HTR7: variants seen among roughly 807,000 people sequenced by gnomAD.
The protein encoded by HTR7 is 5-hydroxytryptamine receptor 7, also known as 5-HT-7.
In HTR7, 16 loss-of-function variants were observed where a neutral mutation model predicts 34.0. The ratio of observed to expected loss-of-function variants is 0.47; its 90% CI spans 0.32 to 0.71. HTR7 has a LOEUF of 0.71. Among genes scored for constraint, HTR7 ranks in the 30% least tolerant of loss-of-function variants. The probability of loss-of-function intolerance (pLI) is 0.04; values close to 1 mark genes in which losing one functional copy is unlikely to be tolerated. For missense variants in HTR7, 504 were observed against 625.5 expected (o/e 0.81, Z 2.07); for synonymous variants, 265 against 260.2 (o/e 1.02, Z -0.18).
At chr10:90,787,507 A>T (rs1845398617) in intron 1 of HTR7, among the ~76,000 whole-genome samples, 1 of 151,874 alleles carries the variant, frequency 6.6e-6, no homozygotes, top group African/African-American at 2.4e-5. Context: ...AAATAAAAAT[A>T]AAAAAAATAA....
chr10:90,755,906 T>C (rs1844827345), intron 1 of HTR7, among the ~76,000 whole-genome samples: 1 of 152,238 alleles, frequency 6.6e-6, no homozygotes, highest in Non-Finnish European at 1.5e-5. Flanking sequence ...TACAAAAGTT[T>C]ATAGCAGCAC....
At chr10:90,755,619 T>G (rs1844823701) in intron 1 of HTR7, among the ~76,000 whole-genome samples, 1 of 152,196 alleles carries the variant, frequency 6.6e-6, no homozygotes, top group African/African-American at 2.4e-5. Flanking sequence ...AAAAGGTGTT[T>G]AACATCACGA....
rs111285876 is a variant in HTR7, at chr10:90,813,463, A to G, written c.539+43670T>C. Among the ~76,000 whole-genome samples, 569 of 151,976 alleles carry G rather than the reference A, an allele frequency of 3.7e-3. 2 individuals are homozygous for G. Among genetic ancestry groups the G allele is most frequent in the Middle Eastern group, 0.01 (3 of 294 alleles). On this transcript the variant is annotated intron_variant, in intron 1 of 3. Transcript: ENST00000336152. ...CTTGAACGCGGGTGGCAGAGGTTGC[A>G]GTGAGCAAAGATCATGCCACTGCAC... is the stretch of plus-strand genomic sequence containing the variant.
intron 1 of HTR7, among the ~76,000 whole-genome samples, chr10:90,794,609 T>A (rs1305185910): frequency 1.3e-5 from 2 of 152,140 alleles, no homozygotes; most frequent in Admixed American, 6.5e-5. Flanking sequence ...CAAGCAAGTC[T>A]CTCACCTCAG....
chr10:90,801,220 AG>A (rs1448595893), intron 1 of HTR7, among the ~76,000 whole-genome samples: 1 of 152,208 alleles, frequency 6.6e-6, no homozygotes, highest in Non-Finnish European at 1.5e-5. Flanking sequence ...CTGAAGGTCA[AG>A]GTTTATTGCC....
chr10:90,800,509 G>A (rs1845609220), intron 1 of HTR7, among the ~76,000 whole-genome samples: 2 of 117,278 alleles, frequency 1.7e-5, no homozygotes, highest in Middle Eastern at 6.8e-3. Flanking sequence ...ATAGAAACTA[G>A]TCCTTTCAAA....
At chr10:90,797,715 GAAATGA>G (rs1279119947) in intron 1 of HTR7, among the ~76,000 whole-genome samples, 1 of 152,196 alleles carries the variant, frequency 6.6e-6, no homozygotes, top group Non-Finnish European at 1.5e-5. Context: ...ATGTAAAAAA[GAAATGA>G]ATTATCAGGG....
chr10:90,852,249 C>T (rs1846513258), intron 1 of HTR7, among the ~76,000 whole-genome samples: 1 of 149,482 alleles, frequency 6.7e-6, no homozygotes, highest in Non-Finnish European at 1.5e-5. Flanking sequence ...TGCTAATAGG[C>T]ATCTAACTGG....
chr10:90,851,493 T>C (rs1420128828), intron 1 of HTR7, among the ~76,000 whole-genome samples: 1 of 150,244 alleles, frequency 6.7e-6, no homozygotes, highest in Non-Finnish European at 1.5e-5. Flanking sequence ...TACTCCCAGC[T>C]ACTCTGGAGG....
At chr10:90,769,497 T>A (rs1845074179) in intron 1 of HTR7, among the ~76,000 whole-genome samples, 2 of 152,252 alleles carry the variant, frequency 1.3e-5, no homozygotes, top group Admixed American at 1.3e-4. Context: ...GTTTTCTTTC[T>A]GAATTAAATT....
intron 1 of HTR7, among the ~76,000 whole-genome samples, chr10:90,753,765 T>G (rs1235208265): frequency 1.3e-5 from 2 of 152,004 alleles, no homozygotes; most frequent in African/African-American, 4.8e-5. Flanking sequence ...ATATGTATAA[T>G]GCAGCCATTA....
At chr10:90,785,754 C>T (rs112731587) in intron 1 of HTR7, among the ~76,000 whole-genome samples, 221 of 152,312 alleles carry the variant, frequency 1.5e-3, no homozygotes, top group African/African-American at 5.0e-3. Context: ...CTTTAGTCCT[C>T]AAAACTATGC....
chr10:90,788,722 A>G (rs1845419089), intron 1 of HTR7, among the ~76,000 whole-genome samples: 1 of 152,250 alleles, frequency 6.6e-6, no homozygotes, highest in African/African-American at 2.4e-5. Flanking sequence ...GACCTCTTAG[A>G]AAAACAAGAA....
intron 1 of HTR7, among the ~76,000 whole-genome samples, chr10:90,808,589 C>T (rs1845743489): frequency 6.6e-6 from 1 of 152,054 alleles, no homozygotes; most frequent in Non-Finnish European, 1.5e-5. Flanking sequence ...CATGCCCCGA[C>T]CTTGTATCTC....
At chr10:90,799,805 C>T (rs1189688203) in intron 1 of HTR7, among the ~76,000 whole-genome samples, 1 of 152,124 alleles carries the variant, frequency 6.6e-6, no homozygotes, top group Non-Finnish European at 1.5e-5. Flanking sequence ...TGTATTATCC[C>T]TAGCTTTGAT....
intron 1 of HTR7, among the ~76,000 whole-genome samples, chr10:90,843,416 T>C (rs1846360306): frequency 6.6e-6 from 1 of 152,234 alleles, no homozygotes. Context: ...GTGCAAGGTG[T>C]TAAAAGACTG....
At chr10:90,760,293 T>C (rs548352198) in intron 1 of HTR7, among the ~76,000 whole-genome samples, 30 of 152,182 alleles carry the variant, frequency 2.0e-4, no homozygotes, top group Admixed American at 3.3e-4. Context: ...CTAAAATTAG[T>C]TGATCTCATA....
chr10:90,796,928 C>T (rs1354899744), intron 1 of HTR7, among the ~76,000 whole-genome samples: 2 of 151,480 alleles, frequency 1.3e-5, no homozygotes, highest in Admixed American at 6.6e-5. Flanking sequence ...AGGAGAATGG[C>T]GTAAACCTGC....
rs529537976 is a variant in HTR7 at position 90,743,341 on chromosome 10, C to T, written c.1393+252G>A. ...TTTCTAGCTTTTCCCCTCAGCCTCA[C>T]ACAATAACACCTGAGGACAAGTACT... On this transcript the variant is annotated intron_variant, in intron 3 of 3. Coordinates refer to ENST00000336152, the MANE Select transcript of HTR7 (RefSeq NM_019859.4). 1.1e-3 allele frequency among the ~76,000 whole-genome samples: 173 copies of T among 152,300 alleles called. 3 individuals are homozygous for T. The highest frequency in any genetic ancestry group is 3.9e-3 in the African/African-American group (164 of 41,564).
Sources: gnomAD v4.1 joint callset for allele counts (sites outside exome capture counted in the v4.1 genomes callset) on GRCh38, gnomAD v4.1.1 for gene constraint, MANE v1.5 for transcripts, NCBI Gene and HGNC (gene_info 2026-07-23, HGNC 2026-07-21) for gene names.